The following FAM107B variants were observed in gnomAD, a reference collection of about 807,000 sequenced individuals.
The protein encoded by FAM107B is protein FAM107B.
In FAM107B, 21 loss-of-function variants were observed where a neutral mutation model predicts 31.5. The observed-to-expected ratio is 0.67, with a 90% CI of 0.47 to 0.96. FAM107B has a LOEUF of 0.96. Ranked by LOEUF, FAM107B falls within the 40% of genes least tolerant of loss-of-function variation. The pLI, the probability that FAM107B is intolerant of heterozygous loss-of-function variation, is 0.00. For missense variants in FAM107B, 452 were observed against 377.1 expected, an observed-to-expected ratio of 1.20 and a Z score of -1.64; for synonymous variants, 157 against 141.5, an observed-to-expected ratio of 1.11 and a Z score of -0.78.
chr10:14,541,573 C>T (rs554948133), intron 2 of FAM107B, among the ~76,000 whole-genome samples: 6 of 152,276 alleles, frequency 3.9e-5, no homozygotes, highest in East Asian at 3.9e-4. Flanking sequence ...GCCTCTCCTC[C>T]GGAGACATGT....
rs1182300679 is a variant in FAM107B, at chr10:14,616,441, C to G, written c.469+51193G>C. 3.9e-5 allele frequency among the ~76,000 whole-genome samples: 6 copies of G among 152,242 alleles called. No individual in the cohort carries two copies. The South Asian group carries it at 1.2e-3, about 32-fold the overall frequency. Reference sequence around the variant, plus strand: ...ATTAATGAGGTTGAAAATGAATATGCCTGAGCTGTAATCACACCAAGAAAT... The same window carrying G: ...ATTAATGAGGTTGAAAATGAATATGGCTGAGCTGTAATCACACCAAGAAAT... On this transcript the variant is annotated intron_variant, in intron 2 of 4. Transcript: ENST00000181796.
At chr10:14,624,064 C>T (rs1055815746) in intron 2 of FAM107B, among the ~76,000 whole-genome samples, 1 of 152,154 alleles carries the variant, frequency 6.6e-6, no homozygotes, top group Non-Finnish European at 1.5e-5. Context: ...AACCACCGTA[C>T]TGACCCCTAA....
intron 2 of FAM107B, among the ~76,000 whole-genome samples, chr10:14,641,883 C>T (rs1387911423): frequency 6.6e-6 from 1 of 152,182 alleles, no homozygotes; most frequent in Non-Finnish European, 1.5e-5. Flanking sequence ...ATTTCAACAG[C>T]TCCAAGAGTC....
At chr10:14,604,098 C>A (rs919630982) in intron 2 of FAM107B, 11 of 438,356 alleles carry the variant, frequency 2.5e-5, no homozygotes, top group Non-Finnish European at 1.8e-5. Context: ...CGCCCGCTGC[C>A]CTCCCGCGCA....
At chr10:14,664,989 G>C (rs989683982) in intron 2 of FAM107B, among the ~76,000 whole-genome samples, 1 of 152,136 alleles carries the variant, frequency 6.6e-6, no homozygotes, top group African/African-American at 2.4e-5. Flanking sequence ...GAATAAAGAA[G>C]AGGAGCTCTA....
At chr10:14,573,808 A>G (rs559433177) in intron 2 of FAM107B, among the ~76,000 whole-genome samples, 2 of 152,126 alleles carry the variant, frequency 1.3e-5, no homozygotes, top group Admixed American at 6.5e-5. Context: ...ACGGCAGCAT[A>G]GAACAGACTA....
intron 2 of FAM107B, among the ~76,000 whole-genome samples, chr10:14,586,767 T>C (rs879548008): frequency 1.4e-4 from 22 of 152,182 alleles, no homozygotes; most frequent in Admixed American, 1.3e-4. Context: ...AAGACAGCCA[T>C]ACCTTTGAGC....
At chr10:14,753,299 C>G (rs1327554172) in intron 1 of FAM107B, among the ~76,000 whole-genome samples, 1 of 152,170 alleles carries the variant, frequency 6.6e-6, no homozygotes, top group South Asian at 2.1e-4. Flanking sequence ...TCCCAACAAC[C>G]CAAGCTCTGC....
chr10:14,575,152 A>G (rs1851423549), intron 2 of FAM107B, among the ~76,000 whole-genome samples: 1 of 152,120 alleles, frequency 6.6e-6, no homozygotes, highest in Admixed American at 6.5e-5. Flanking sequence ...TTTCTAGTTT[A>G]AGTAGCTTGT....
chr10:14,637,472 A>G (rs1002325562), intron 2 of FAM107B, among the ~76,000 whole-genome samples: 1 of 152,096 alleles, frequency 6.6e-6, no homozygotes, highest in South Asian at 2.1e-4. Flanking sequence ...TATCCCTACA[A>G]AAAATACAAA....
At chr10:14,585,069 A>T (rs556637920) in intron 2 of FAM107B, among the ~76,000 whole-genome samples, 1 of 152,366 alleles carries the variant, frequency 6.6e-6, no homozygotes, top group African/African-American at 2.4e-5. Flanking sequence ...GTGTACACCA[A>T]GTAACCAAAG....
chr10:14,575,735 G>A (rs1034156628), intron 2 of FAM107B, among the ~76,000 whole-genome samples: 6 of 152,106 alleles, frequency 3.9e-5, no homozygotes, highest in Admixed American at 2.0e-4. Flanking sequence ...ATGTGTGCAC[G>A]GGCTCACAAA....
chr10:14,680,700 C>T (rs1016740747), intron 1 of FAM107B, among the ~76,000 whole-genome samples: 5 of 152,086 alleles, frequency 3.3e-5, no homozygotes, highest in African/African-American at 1.2e-4. Flanking sequence ...CACTAACTTC[C>T]TCTGGCTCAA....
At chr10:14,734,240 G>A (rs946722519) in intron 1 of FAM107B, among the ~76,000 whole-genome samples, 2 of 152,140 alleles carry the variant, frequency 1.3e-5, no homozygotes, top group Non-Finnish European at 2.9e-5. Context: ...GCCACTGGGG[G>A]AAAATTGCCT....
intron 1 of FAM107B, among the ~76,000 whole-genome samples, chr10:14,764,249 G>C (rs1252657387): frequency 6.6e-6 from 1 of 152,176 alleles, no homozygotes; most frequent in African/African-American, 2.4e-5. Flanking sequence ...TAAGTTATGT[G>C]AGGCACATCT....
chr10:14,587,058 G>A (rs1851867735), intron 2 of FAM107B, among the ~76,000 whole-genome samples: 2 of 152,130 alleles, frequency 1.3e-5, no homozygotes, highest in Admixed American at 6.5e-5. Flanking sequence ...CACCTTGGGG[G>A]AGCAGACACT....
intron 3 of FAM107B, among the ~76,000 whole-genome samples, chr10:14,524,525 AAAC>A (rs1312216488): frequency 1.3e-5 from 2 of 152,226 alleles, no homozygotes; most frequent in African/African-American, 4.8e-5. Context: ...AAAACTAAAT[AAAC>A]AACAGGATAA....
intron 2 of FAM107B, among the ~76,000 whole-genome samples, chr10:14,575,197 CT>C (rs1851425691): frequency 7.1e-6 from 1 of 141,746 alleles, no homozygotes; most frequent in South Asian, 2.6e-4. Flanking sequence ...GCTAAAGAAG[CT>C]TTTTGTTTTT....
intron 2 of FAM107B, among the ~76,000 whole-genome samples, chr10:14,598,693 T>G (rs1588646902): frequency 2.6e-5 from 4 of 152,358 alleles, no homozygotes; most frequent in Admixed American, 2.6e-4. Context: ...AAGGTAGATC[T>G]CATGTTAAGT....
Sources: allele counts gnomAD v4.1 joint callset (sites outside exome capture counted in the v4.1 genomes callset), GRCh38; gene constraint gnomAD v4.1.1; transcripts MANE v1.5; gene names NCBI Gene and HGNC (gene_info 2026-07-23, HGNC 2026-07-21).